AKAP19: variants seen among roughly 807,000 people sequenced by gnomAD.
AKAP19 encodes small A-kinase anchoring protein.
At chr2:189,950,334 G>GT in the AKAP19 span, among the ~76,000 whole-genome samples, 115,845 of 137,488 alleles carry the variant, frequency 0.84, 49,034 homozygotes, top group East Asian at 0.96. Context: ...AGCCTTTTTT[G>GT]TTTTTTTTTT....
chr2:190,018,643 C>A, the AKAP19 span, among the ~76,000 whole-genome samples: 3 of 152,274 alleles, frequency 2.0e-5, no homozygotes, highest in African/African-American at 7.2e-5. Flanking sequence ...ATCTTCATTT[C>A]TGCAGGGTCT....
chr2:189,889,451 T>C, the AKAP19 span, among the ~76,000 whole-genome samples: 1 of 152,208 alleles, frequency 6.6e-6, no homozygotes, highest in Non-Finnish European at 1.5e-5. Flanking sequence ...ATGAAGTGAC[T>C]TAAGGAGGAT....
At chr2:190,184,658 G>A in the AKAP19 span, among the ~76,000 whole-genome samples, 5 of 152,120 alleles carry the variant, frequency 3.3e-5, no homozygotes, top group Admixed American at 2.0e-4. Context: ...AAGGAGATAC[G>A]GCTTCCCCTA....
the AKAP19 span, chr2:190,060,278 G>T: frequency 6.2e-7 from 1 of 1,613,078 alleles, no homozygotes; most frequent in Non-Finnish European, 8.5e-7. Context: ...TCATAGGTTT[G>T]ATGAGTCTCA....
At chr2:190,182,149 T>G in the AKAP19 span, among the ~76,000 whole-genome samples, 1 of 152,208 alleles carries the variant, frequency 6.6e-6, no homozygotes, top group African/African-American at 2.4e-5. Context: ...ATTGAACACT[T>G]CAGTGACAGG....
chr2:190,086,524 C>T, the AKAP19 span, among the ~76,000 whole-genome samples: 18 of 152,198 alleles, frequency 1.2e-4, no homozygotes, highest in African/African-American at 4.3e-4. Context: ...TTGCAGTCTA[C>T]ACAATTTATG....
the AKAP19 span, among the ~76,000 whole-genome samples, chr2:190,041,287 T>G: frequency 5.3e-5 from 8 of 152,174 alleles, no homozygotes; most frequent in African/African-American, 1.9e-4. Context: ...CAATTGGGAC[T>G]GGGATTGCCT....
At chr2:190,183,499 T>C in the AKAP19 span, among the ~76,000 whole-genome samples, 3 of 152,302 alleles carry the variant, frequency 2.0e-5, no homozygotes, top group Admixed American at 6.5e-5. Flanking sequence ...TTCCTAGAAA[T>C]CCGCAGTCTT....
the AKAP19 span, among the ~76,000 whole-genome samples, chr2:189,962,406 G>T: frequency 5.5e-4 from 83 of 152,202 alleles, no homozygotes; most frequent in African/African-American, 2.0e-3. Flanking sequence ...GGCTATATAT[G>T]AATATGTTAC....
chr2:190,108,237 C>T, the AKAP19 span, among the ~76,000 whole-genome samples: 1 of 152,176 alleles, frequency 6.6e-6, no homozygotes, highest in Admixed American at 6.5e-5. Context: ...CCCACTGCAA[C>T]CTCCACCTCC....
the AKAP19 span, chr2:189,923,535 T>G: frequency 2.5e-6 from 4 of 1,613,764 alleles, no homozygotes; most frequent in African/African-American, 1.3e-5. Flanking sequence ...CGGGCTGCTG[T>G]AGCAGGAGAG....
chr2:190,148,561 G>C, the AKAP19 span, among the ~76,000 whole-genome samples: 2 of 152,126 alleles, frequency 1.3e-5, no homozygotes, highest in African/African-American at 4.8e-5. Context: ...CTATCTTGTG[G>C]AATAGTGTCA....
the AKAP19 span, among the ~76,000 whole-genome samples, chr2:189,976,698 C>A: frequency 6.6e-6 from 1 of 152,226 alleles, no homozygotes; most frequent in African/African-American, 2.4e-5. Flanking sequence ...CCCCCAGCCT[C>A]GCTGCTGCCT....
the AKAP19 span, among the ~76,000 whole-genome samples, chr2:189,955,362 A>G: frequency 6.6e-6 from 1 of 152,060 alleles, no homozygotes. Context: ...AAATCCAGTT[A>G]TCCATTGATG....
the AKAP19 span, among the ~76,000 whole-genome samples, chr2:190,103,032 G>C: frequency 1.3e-5 from 2 of 152,082 alleles, no homozygotes; most frequent in African/African-American, 4.8e-5. Context: ...TACAAGGCTG[G>C]TTCAACATAT....
chr2:189,976,762 C>T, the AKAP19 span, among the ~76,000 whole-genome samples: 12 of 152,288 alleles, frequency 7.9e-5, no homozygotes, highest in Admixed American at 2.6e-4. Context: ...CTGTGGGCTT[C>T]GGACACTCTG....
chr2:189,905,844 C>A, the AKAP19 span, among the ~76,000 whole-genome samples: 11 of 152,092 alleles, frequency 7.2e-5, no homozygotes, highest in East Asian at 1.5e-3. Context: ...CAAGAAGATA[C>A]CCCAAGGCCG....
chr2:190,020,855 C>A, the AKAP19 span, among the ~76,000 whole-genome samples: 1 of 152,286 alleles, frequency 6.6e-6, no homozygotes, highest in Admixed American at 6.5e-5. Context: ...GCATGTTATT[C>A]ATATGCATGG....
the AKAP19 span, among the ~76,000 whole-genome samples, chr2:190,142,434 G>A: frequency 4.6e-5 from 7 of 152,170 alleles, no homozygotes; most frequent in East Asian, 1.9e-4. Context: ...GAGGTATAAT[G>A]TATCTGGGTC....
Sources: gnomAD v4.1 joint callset for allele counts (sites outside exome capture counted in the v4.1 genomes callset) on GRCh38, gnomAD v4.1.1 for gene constraint, MANE v1.5 for transcripts, NCBI Gene and HGNC (gene_info 2026-07-23, HGNC 2026-07-21) for gene names.